Variants in CACNA1F observed in about 807,000 individuals in gnomAD.
The protein encoded by CACNA1F is voltage-dependent L-type calcium channel subunit alpha-1F.
In CACNA1F, 59 loss-of-function variants were observed where a neutral mutation model predicts 143.8. The ratio of observed to expected loss-of-function variants is 0.41; its 90% confidence interval spans 0.33 to 0.51. The LOEUF (loss-of-function observed/expected upper bound fraction) is 0.51. Among genes scored for constraint, CACNA1F ranks in the 20% least tolerant of loss-of-function variants. The probability of loss-of-function intolerance (pLI) is 0.22; values close to 1 mark genes in which losing one functional copy is unlikely to be tolerated. For missense variants in CACNA1F, 1,411 were observed against 1,647.5 expected (o/e 0.86, Z 2.48); for synonymous variants, 643 against 649.1 (o/e 0.99, Z 0.14).
rs782502959 is a variant in CACNA1F at position 49,215,561 on chromosome X, G to T, written c.3237-18C>A. 4.6e-6 allele frequency: 5 copies of T among 1,085,050 alleles called. No homozygotes were observed. Among genetic ancestry groups the T allele is most frequent in the Non-Finnish European group, 5.1e-6 (4 of 788,193 alleles). The allele number at this position is 1,085,050 out of a possible 1,213,427, so 89.4% of individuals were successfully genotyped here. On this transcript the variant is annotated intron_variant, in intron 27 of 47. Coordinates refer to ENST00000323022, the MANE Select transcript of CACNA1F (RefSeq NM_001256789.3). ...ATAGCAGTCTGTGGGAGCCAGAGGG[G>T]GGGTAGAGGTGGGGGCAGGTGAGGG...
intron 12 of CACNA1F, 62 bp from the exon 13 acceptor site, chrX:49,226,131 G>A: frequency 8.8e-7 from 1 of 1,139,214 alleles, no homozygotes; most frequent in East Asian, 3.0e-5. Flanking sequence ...GGGGGCTCAG[G>A]TGGGGGATCC....
chrX:49,217,784 G>A lies in CACNA1F; in HGVS notation c.3060C>T (p.Asp1020=), dbSNP rs782655905. ...LFKGKFYTCT[D]EAKHTPQECK... ...ATTCTTGAGGGGTGTGTTTGGCCTC[G>A]TCCGTGCAGGTGTAGAATTTCCCCT... Residue 1020 remains aspartate, a synonymous_variant, in exon 26 of 48, where the codon GAC becomes GAT. Transcript: ENST00000323022. 11 of 1,209,168 alleles carry A rather than the reference G, an allele frequency of 9.1e-6. No homozygotes were observed. In the Admixed American group the frequency reaches 1.7e-4, roughly 19 times the overall value.
At chrX:49,228,189 G>GT (rs782113009) in intron 7 of CACNA1F, 50 bp from the exon 8 acceptor site, 1 of 1,163,810 alleles carries the variant, frequency 8.6e-7, no homozygotes, top group African/African-American at 1.8e-5. Context: ...ACACTCCTGC[G>GT]TGAGTGTCAG....
Position 49,215,182 on chromosome X carries a change from C to T in CACNA1F, c.3501G>A (p.Pro1167=), listed in dbSNP as rs143720262. The T allele has an allele frequency of 3.0e-4, 368 of 1,208,162 alleles. No homozygotes were observed. Among genetic ancestry groups the T allele is most frequent in the Non-Finnish European group, 3.9e-4 (348 of 894,163 alleles). The change falls in exon 29 of 48, where the codon CCG becomes CCA. Residue 1167 remains proline (P), a synonymous_variant. Transcript: ENST00000323022. ...CAGTGGCCCACACACGATACTGATG[C>T]GGGTTCTTGGGGATGTAACGGCGGA... ...QPLRRYIPKN[P]HQYRVWATVN...
chrX:49,205,941 G>T, intron 46 of CACNA1F, 128 bp from the exon 47 acceptor site: 1 of 584,708 alleles, frequency 1.7e-6, no homozygotes, highest in Non-Finnish European at 2.7e-6. Flanking sequence ...TATAAGTCAG[G>T]CTTGAGTTTA....
At chrX:49,219,560 C>A (rs1557108335) in intron 20 of CACNA1F, 74 bp downstream of exon 20, 27 of 1,172,683 alleles carry the variant, frequency 2.3e-5, no homozygotes, top group Non-Finnish European at 3.0e-5. Context: ...CCACTCCCAC[C>A]TTGGCTGCTC....
Position 49,221,212 on chromosome X carries a change from T to C in CACNA1F, c.2289-132A>G, listed in dbSNP as rs2065771935. 1.3e-5 allele frequency: 7 copies of C among 550,431 alleles called. No homozygotes were observed. The South Asian group carries it at 1.8e-4, about 14-fold the overall frequency. 45.4% of individuals were successfully genotyped at this position (550,431 alleles called of 1,213,427 possible). On this transcript the variant is annotated intron_variant, in intron 17 of 47. Coordinates refer to ENST00000323022, the MANE Select transcript of CACNA1F (RefSeq NM_001256789.3). ...CCCACTGCCCCTCCCAACAGTCCGT[T>C]CTCAAAGCAGCCAGAGGGAGCCTGT...
At chrX:49,225,055 G>C in intron 13 of CACNA1F, 69 bp from the exon 14 acceptor site, 16 of 723,646 alleles carry the variant, frequency 2.2e-5, no homozygotes, top group Non-Finnish European at 3.4e-5. Context: ...AGGTAACTAG[G>C]GACCATGGGG....
chrX:49,209,202 CAG>C (rs782495321), intron 42 of CACNA1F, 58 bp downstream of exon 42: 3 of 1,190,401 alleles, frequency 2.5e-6, no homozygotes, highest in Non-Finnish European at 3.4e-6. Flanking sequence ...CAAAATCACT[CAG>C]GGGATTGACG....
At chrX:49,226,945 G>T in intron 9 of CACNA1F, 25 bp downstream of exon 9, 1 of 1,211,171 alleles carries the variant, frequency 8.3e-7, no homozygotes, top group East Asian at 3.0e-5. Context: ...ACGATGGCCC[G>T]CCCGGCCCTC....
chrX:49,222,742 T>C lies in CACNA1F; in HGVS notation c.2182A>G (p.Ile728Val), dbSNP rs782794008. The stretch of plus-strand genomic sequence containing the variant: ...CAGTTGCCACAGATGAAGAGAATGA[T>C]GAAATAGATGCACACCAACATTCCT... The part of the protein sequence containing the change: ...FPGMLVCIYF[I>V]ILFICGNYIL... Residue 728 changes from isoleucine to valine, a missense_variant, in exon 16 of 48, where the codon ATC (isoleucine) becomes GTC (valine). Coordinates refer to ENST00000323022, the MANE Select transcript of CACNA1F (RefSeq NM_001256789.3). The C allele has an allele frequency of 5.0e-6, 6 of 1,209,044 alleles. No individual in the cohort carries two copies. The African/African-American group carries it at 1.1e-4, about 21-fold the overall frequency.
Position 49,219,340 on chromosome X carries a change from G to C in CACNA1F, c.2654C>G (p.Ala885Gly), listed in dbSNP as rs2065751611. ...VSLAAEDPIR[A>G]HSFRNHILGY... ...GCTCACATGGTTGCGGAAGGAGTGGGCTCGGATGGGGTCCTCAGCGGCCAG... is the reference window on the plus strand; with the variant it reads ...GCTCACATGGTTGCGGAAGGAGTGGCCTCGGATGGGGTCCTCAGCGGCCAG... The change falls in exon 21 of 48, where the codon GCC becomes GGC. Residue 885 changes from alanine to glycine, a missense_variant. Coordinates refer to ENST00000323022, the MANE Select transcript of CACNA1F (RefSeq NM_001256789.3). 1.7e-6 allele frequency: 2 copies of C among 1,208,778 alleles called. No individual in the cohort carries two copies. The highest frequency in any genetic ancestry group is 2.2e-6 in the Non-Finnish European group (2 of 894,261).
chrX:49,227,077 T>C lies in CACNA1F; in HGVS notation c.1169A>G (p.Lys390Arg). 8.3e-7 allele frequency: 1 copy of C among 1,204,468 alleles called. No homozygotes were observed. Among genetic ancestry groups the C allele is most frequent in the Non-Finnish European group, 1.1e-6 (1 of 891,330 alleles). The change falls in exon 9 of 48, where the codon AAG becomes AGG. Residue 390 changes from lysine to arginine, a missense_variant. By Grantham distance (26) the Lys-to-Arg change is conservative. This residue lies in a region of CACNA1F where 950 missense variants were observed against 1,128.1 expected (regional missense o/e 0.84). Coordinates refer to ENST00000323022, the MANE Select transcript of CACNA1F (RefSeq NM_001256789.3). ...EKAKARGDFQ[K>R]QREKQQMEED... ...CTCCATCTGCTGCTTCTCCCGCTGC[T>C]TCTGGAAGTCCCCGCGAGCTTTCGC... is the stretch of plus-strand genomic sequence containing the variant.
At position 49,220,497 on chromosome X, in the gene CACNA1F, C is replaced by T; in HGVS notation, c.2362G>A (p.Glu788Lys). The change falls in exon 19 of 48, where the codon GAG becomes AAG. Residue 788 changes from glutamate to lysine, a missense_variant. By Grantham distance (56) the Glu-to-Lys change is moderately conservative. Coordinates refer to ENST00000323022, the MANE Select transcript of CACNA1F (RefSeq NM_001256789.3). ...CCTGCTCCTTCCCTCCTTGCACCCTCCTCTTCCTCTTTCTCCACACCAGGC... is the reference window on the plus strand; with the variant it reads ...CCTGCTCCTTCCCTCCTTGCACCCTTCTCTTCCTCTTTCTCCACACCAGGC... ...LVPGVEKEEE[E>K]GARREGADME... is the part of the protein sequence containing the mutation. 8.3e-7 allele frequency: 1 copy of T among 1,209,093 alleles called. No homozygotes were observed.
intron 26 of CACNA1F, among the ~76,000 whole-genome samples, chrX:49,216,915 C>A (rs1557107556): frequency 9.0e-6 from 1 of 111,504 alleles, no homozygotes; most frequent in African/African-American, 3.3e-5. Context: ...AACTATATGC[C>A]AGGCACTGAA....
At chrX:49,211,251 C>T (rs1036716479) in intron 36 of CACNA1F, 71 bp downstream of exon 36, 8 of 1,152,421 alleles carry the variant, frequency 6.9e-6, no homozygotes, top group East Asian at 3.0e-5. Context: ...GGGCTGCCCA[C>T]GTCACATCCC....
rs2147909684 is a variant in CACNA1F at position 49,219,374 on chromosome X, T to A, written c.2620A>T (p.Ser874Cys). 8.3e-7 allele frequency: 1 copy of A among 1,207,568 alleles called. No individual in the cohort carries two copies. The highest frequency in any genetic ancestry group is 1.1e-6 in the Non-Finnish European group (1 of 892,999). ...NLILVFIILSSVSLAAEDPIR... is the reference protein window; with the variant it reads ...NLILVFIILSCVSLAAEDPIR... Reference sequence around the variant, plus strand: ...GGGTCCTCAGCGGCCAGGGACACACTGCTGAGGATGATGAACACCAGGATA... The same window carrying A: ...GGGTCCTCAGCGGCCAGGGACACACAGCTGAGGATGATGAACACCAGGATA... The change falls in exon 21 of 48, where the codon AGT becomes TGT. Residue 874 changes from serine to cysteine, a missense_variant. Transcript: ENST00000323022.
chrX:49,230,361 C>G lies in CACNA1F; in HGVS notation c.676G>C (p.Val226Leu). 1 of 1,210,560 alleles carries G rather than the reference C, an allele frequency of 8.3e-7. No homozygotes were observed. Among genetic ancestry groups the G allele is most frequent in the South Asian group, 1.8e-5 (1 of 56,706 alleles). ...LVSGVPSLHI[V>L]LNSIMKALVP... ...AGAGCCTTCATGATGGAATTGAGCA[C>G]TATGTGCAGGCCTGCGGGGAGGGAG... The change falls in exon 6 of 48, where the codon GTG (valine) becomes CTG (leucine). Residue 226 changes from valine to leucine, a missense_variant. Physicochemically the swap from Val to Leu is conservative, Grantham distance 32. Coordinates refer to ENST00000323022, the MANE Select transcript of CACNA1F (RefSeq NM_001256789.3).
Position 49,222,572 on chromosome X carries a change from A to G in CACNA1F, c.2238T>C (p.Ala746=). Residue 746 remains alanine (A), a synonymous_variant, in exon 17 of 48, where the codon GCT becomes GCC. Coordinates refer to ENST00000323022, the MANE Select transcript of CACNA1F (RefSeq NM_001256789.3). ...CATCTCCACTGGCCAGGTTGTCCAC[A>G]GCAATGGCAAGAAACACGTTCAACA... ...YILLNVFLAI[A]VDNLASGDAG... is the part of the protein sequence containing the mutation. 2.5e-6 allele frequency: 3 copies of G among 1,210,986 alleles called. No individual in the cohort carries two copies.
Sources: gnomAD v4.1 joint callset for allele counts (sites outside exome capture counted in the v4.1 genomes callset) on GRCh38, gnomAD v4.1.1 for gene constraint, gnomAD v4.1.1 regional missense constraint, MANE v1.5 for transcripts, NCBI Gene and HGNC (gene_info 2026-07-23, HGNC 2026-07-21) for gene names.